NFXL1: variants seen among roughly 807,000 people sequenced by gnomAD.
NFXL1 encodes the protein NF-X1-type zinc finger protein NFXL1.
In NFXL1, 66 loss-of-function variants were observed where a neutral mutation model predicts 123.3. That is an observed-to-expected ratio of 0.54 (90% CI 0.44 to 0.66). The LOEUF (loss-of-function observed/expected upper bound fraction) is 0.66. NFXL1 is among the 30% of genes least tolerant of loss of function. The pLI is 0.00. For missense variants in NFXL1, 944 were observed against 1,125.6 expected (o/e 0.84, Z 2.31); for synonymous variants, 346 against 360.8 (o/e 0.96, Z 0.46).
At position 47,899,399 on chromosome 4, in the gene NFXL1, C is replaced by T. The variant is rs1737266331; in HGVS notation, c.797G>A (p.Gly266Asp). The change falls in exon 6 of 23, where the codon GGC (glycine) becomes GAC (aspartate). Residue 266 changes from glycine to aspartate, a missense_variant. Around this residue, in one of 4 missense-constraint regions of NFXL1, gnomAD observed 296 missense variants for 395.1 expected, o/e 0.75. Coordinates refer to ENST00000507489, the MANE Select transcript of NFXL1 (RefSeq NM_001278624.2). ...VCEREFKPPC[G>D]HKCLLLCHPG... ...ATGACAGAGGAGTAAACATTTATGG[C>T]CACAAGGAGGTTTAAATTCACGCTC... The T allele has an allele frequency of 1.9e-6, 3 of 1,613,728 alleles. No homozygotes were observed. The highest frequency in any genetic ancestry group is 1.7e-6 in the Non-Finnish European group (2 of 1,179,758).
intron 5 of NFXL1, among the ~76,000 whole-genome samples, chr4:47,902,588 G>A (rs138286624): frequency 0.025 from 3,819 of 152,222 alleles, 77 homozygotes; most frequent in Middle Eastern, 0.041. Flanking sequence ...TGGACAAGAA[G>A]ATCACAATTA....
chr4:47,881,345 T>C (rs1736105753), intron 15 of NFXL1, among the ~76,000 whole-genome samples: 1 of 152,064 alleles, frequency 6.6e-6, no homozygotes, highest in Non-Finnish European at 1.5e-5. Context: ...CAATTAAAAA[T>C]AGAATGGCTA....
intron 5 of NFXL1, among the ~76,000 whole-genome samples, chr4:47,900,210 C>CT (rs113235707): frequency 1.0e-4 from 15 of 149,426 alleles, no homozygotes; most frequent in Middle Eastern, 3.4e-3. Context: ...ACATATAATT[C>CT]TTTTTTTTTT....
intron 12 of NFXL1, among the ~76,000 whole-genome samples, chr4:47,887,088 A>G (rs1736480684): frequency 6.6e-6 from 1 of 152,186 alleles, no homozygotes; most frequent in African/African-American, 2.4e-5. Context: ...ATGGGTTGGC[A>G]AAAATATAAA....
chr4:47,881,907 T>C (rs921775165), intron 15 of NFXL1, among the ~76,000 whole-genome samples: 12 of 152,124 alleles, frequency 7.9e-5, no homozygotes, highest in Non-Finnish European at 5.9e-5. Context: ...TGAACAGGTA[T>C]AGCACAGGGC....
chr4:47,898,947 A>G lies in NFXL1; in HGVS notation c.988+12T>C, dbSNP rs1456945173. The G allele has an allele frequency of 6.8e-6, 11 of 1,613,748 alleles. No individual in the cohort carries two copies. The highest frequency in any genetic ancestry group is 1.3e-5 in the African/African-American group (1 of 74,906). The stretch of plus-strand genomic sequence containing the variant: ...TTAAAGTCAGAAAAATCTAATGGGT[A>G]TGGCCTTTTACCTGCATGACAAGGA... On this transcript the variant is annotated intron_variant, in intron 7 of 22. Coordinates refer to ENST00000507489, the MANE Select transcript of NFXL1 (RefSeq NM_001278624.2).
Position 47,894,317 on chromosome 4 carries a change from G to T in NFXL1, c.1330-15C>A, listed in dbSNP as rs1404064475. On this transcript the variant is annotated splice_polypyrimidine_tract_variant and intron_variant, in intron 10 of 22. Coordinates refer to ENST00000507489, the MANE Select transcript of NFXL1 (RefSeq NM_001278624.2). The stretch of plus-strand genomic sequence containing the variant: ...TTTTCCACTTCCTGGAAGAATAAAA[G>T]AAATGCTATTAAAATTGATTTTTGT... 7 of 1,552,138 alleles carry T rather than the reference G, an allele frequency of 4.5e-6. No individual in the cohort carries two copies. The highest frequency in any genetic ancestry group is 6.1e-6 in the Non-Finnish European group (7 of 1,149,912).
intron 15 of NFXL1, among the ~76,000 whole-genome samples, chr4:47,882,512 T>C (rs1736175037): frequency 6.6e-6 from 1 of 152,230 alleles, no homozygotes; most frequent in Non-Finnish European, 1.5e-5. Flanking sequence ...GATGTGTGAC[T>C]GAATGAGCCA....
rs1578021091 is a variant in NFXL1, at chr4:47,885,539, C to G, written c.1783G>C (p.Ala595Pro). The G allele has an allele frequency of 6.2e-7, 1 of 1,613,604 alleles. No homozygotes were observed. The highest frequency in any genetic ancestry group is 2.2e-5 in the East Asian group (1 of 44,868). Residue 595 changes from alanine to proline, a missense_variant, in exon 14 of 23, where the codon GCT becomes CCT. Transcript: ENST00000507489. ...ATTAATGCTTGATCATGACACGGAG[C>G]AGGACACAAGTGACCACATTTCTCC... is the stretch of plus-strand genomic sequence containing the variant. ...VLEKCGHLCP[A>P]PCHDQALIKQ...
chr4:47,877,078 A>G, intron 17 of NFXL1: 1 of 1,134,352 alleles, frequency 8.8e-7, no homozygotes, highest in Non-Finnish European at 1.2e-6. Context: ...TTTAAATAAC[A>G]TGAGTAGAAG....
At chr4:47,875,318 C>A in intron 17 of NFXL1, 25 bp from the exon 18 acceptor site, 2 of 1,582,276 alleles carry the variant, frequency 1.3e-6, no homozygotes, top group Non-Finnish European at 1.7e-6. Context: ...GGAAATAAAT[C>A]ACCTAAGTAC....
intron 21 of NFXL1, 31 bp downstream of exon 21, chr4:47,851,825 G>A: frequency 7.4e-7 from 1 of 1,357,468 alleles, no homozygotes; most frequent in Non-Finnish European, 1.1e-6. Flanking sequence ...AAGGCCACTA[G>A]TCTTTAAAAT....
chr4:47,871,874 C>T (rs1030698753), intron 18 of NFXL1, among the ~76,000 whole-genome samples: 1 of 151,852 alleles, frequency 6.6e-6, no homozygotes, highest in Non-Finnish European at 1.5e-5. Flanking sequence ...TGTAATTATG[C>T]TAAAAAATAT....
chr4:47,913,889 A>T, intron 2 of NFXL1, 80 bp downstream of exon 2: 1 of 916,628 alleles, frequency 1.1e-6, no homozygotes. Context: ...GAAAGAAAGA[A>T]GGCGAGGGCG....
At chr4:47,860,977 C>T (rs1458201130) in intron 19 of NFXL1, among the ~76,000 whole-genome samples, 2 of 151,738 alleles carry the variant, frequency 1.3e-5, no homozygotes, top group African/African-American at 4.8e-5. Flanking sequence ...CTCAGCCTCC[C>T]GAGTAGCTGG....
Position 47,885,673 on chromosome 4 carries a change from C to T in NFXL1, c.1665-16G>A, listed in dbSNP as rs1424547805. 17 of 1,602,844 alleles carry T rather than the reference C, an allele frequency of 1.1e-5. No homozygotes were observed. The highest frequency in any genetic ancestry group is 1.5e-5 in the Non-Finnish European group (17 of 1,172,414). On this transcript the variant is annotated splice_polypyrimidine_tract_variant and intron_variant, in intron 13 of 22. Coordinates refer to ENST00000507489, the MANE Select transcript of NFXL1 (RefSeq NM_001278624.2). ...TGGTGGTCGACTAAATCATAAAGTA[C>T]AATTTTCAAAAATTACTTTTAGTCA... is the stretch of plus-strand genomic sequence containing the variant.
chr4:47,868,306 G>A (rs1449557480), intron 18 of NFXL1, among the ~76,000 whole-genome samples: 4 of 148,458 alleles, frequency 2.7e-5, no homozygotes, highest in Non-Finnish European at 4.4e-5. Flanking sequence ...GTGACAGAGC[G>A]AGACTCCGTC....
At chr4:47,877,264 C>T in intron 17 of NFXL1, 2 of 430,866 alleles carry the variant, frequency 4.6e-6, no homozygotes, top group South Asian at 3.3e-5. Flanking sequence ...ATCACTGAAT[C>T]TACACTTACT....
At chr4:47,871,300 C>CAG (rs1256087478) in intron 18 of NFXL1, among the ~76,000 whole-genome samples, 3 of 147,220 alleles carry the variant, frequency 2.0e-5, no homozygotes, top group Non-Finnish European at 4.4e-5. Context: ...TTGCAGTGAG[C>CAG]AGATTATGCC....
Sources: allele counts gnomAD v4.1 joint callset (sites outside exome capture counted in the v4.1 genomes callset), GRCh38; gene constraint gnomAD v4.1.1; regional missense constraint gnomAD v4.1.1; transcripts MANE v1.5; gene names NCBI Gene and HGNC (gene_info 2026-07-23, HGNC 2026-07-21).